Variants in ALOXE3 observed in about 807,000 individuals in gnomAD.
ALOXE3 encodes hydroperoxide isomerase ALOXE3.
Under a neutral mutation model 87.5 loss-of-function variants are expected in ALOXE3, and 78 were observed. That is an observed-to-expected ratio of 0.89 (90% CI 0.74 to 1.08). The LOEUF is 1.08. Ranked by LOEUF, ALOXE3 falls within the 50% of genes least tolerant of loss-of-function variation. ALOXE3 has a pLI of 0.00. For missense variants in ALOXE3, 946 were observed against 912.4 expected, an observed-to-expected ratio of 1.04 and a Z score of -0.47; for synonymous variants, 363 against 370.8, an observed-to-expected ratio of 0.98 and a Z score of 0.24.
chr17:8,117,344 C>T (rs914127521), intron 2 of ALOXE3, among the ~76,000 whole-genome samples: 4 of 152,200 alleles, frequency 2.6e-5, no homozygotes, highest in African/African-American at 7.2e-5. Context: ...CGCTTAAACC[C>T]GGGAGGTGGA....
chr17:8,103,275 C>A, intron 15 of ALOXE3, 48 bp downstream of exon 15: 1 of 1,604,926 alleles, frequency 6.2e-7, no homozygotes, highest in African/African-American at 1.3e-5. Flanking sequence ...ACCACCCCTA[C>A]TGGTGGCCCT....
At chr17:8,102,142 C>T (rs548999041) in intron 15 of ALOXE3, among the ~76,000 whole-genome samples, 2 of 152,312 alleles carry the variant, frequency 1.3e-5, no homozygotes, top group South Asian at 2.1e-4. Context: ...CATCCATTCA[C>T]GCAGCCACAG....
chr17:8,112,975 C>A (rs11871011), intron 6 of ALOXE3, among the ~76,000 whole-genome samples: 75,038 of 151,744 alleles, frequency 0.49, 19,359 homozygotes, highest in African/African-American at 0.64. Context: ...CCCCACCATG[C>A]CCTGCAACAT....
Position 8,103,246 on chromosome 17 carries a change from GC to G in ALOXE3, c.1956+76del, listed in dbSNP as rs1979034359. On this transcript the variant is annotated intron_variant, in intron 15 of 15. Transcript: ENST00000448843. Reference sequence around the variant, plus strand: ...ATAAATCCCGTCGATCAGTCCTCAAGCCCCCAGACGAAGCCACCACCACCCC... The same window carrying G: ...ATAAATCCCGTCGATCAGTCCTCAAGCCCCAGACGAAGCCACCACCACCCC... 5.7e-5 allele frequency: 88 copies of G among 1,542,426 alleles called. No homozygotes were observed. In the South Asian group the frequency reaches 9.6e-4, roughly 17 times the overall value.
chr17:8,115,671 C>T lies in ALOXE3; in HGVS notation c.370G>A (p.Asp124Asn), dbSNP rs1053198033. 4 of 1,613,688 alleles carry T rather than the reference C, an allele frequency of 2.5e-6. No homozygotes were observed. Among genetic ancestry groups the T allele is most frequent in the African/African-American group, 1.3e-5 (1 of 74,894 alleles). The change falls in exon 4 of 16, where the codon GAC (aspartate) becomes AAC (asparagine). Residue 124 changes from aspartate to asparagine, a missense_variant. Coordinates refer to ENST00000448843, the MANE Select transcript of ALOXE3 (RefSeq NM_021628.3). ...RPGTARTICQ[D>N]SLPLLLDHRT... Reference sequence around the variant, plus strand: ...TGATCCAGGAGGAGGGGAAGAGAGTCCTGACAAATAGTTCTTGCTGTGGGG... The same window carrying T: ...TGATCCAGGAGGAGGGGAAGAGAGTTCTGACAAATAGTTCTTGCTGTGGGG...
At position 8,112,199 on chromosome 17, in the gene ALOXE3, G is replaced by A. The variant is rs1032272957; in HGVS notation, c.681-3C>T. The A allele has an allele frequency of 2.4e-5, 39 of 1,610,350 alleles. No individual in the cohort carries two copies. Among genetic ancestry groups the A allele is most frequent in the Non-Finnish European group, 3.3e-5 (39 of 1,176,678 alleles). On this transcript the variant is annotated splice_region_variant and splice_polypyrimidine_tract_variant and intron_variant, in intron 6 of 15. Coordinates refer to ENST00000448843, the MANE Select transcript of ALOXE3 (RefSeq NM_021628.3). ...CTCGAAGCTTCATTCCCAAGGACCT[G>A]ATGGGAGAGGAAAAGATGAGGGTGA...
rs531611922 is a variant in ALOXE3 at position 8,107,815 on chromosome 17, A to C, written c.1684+653T>G. On this transcript the variant is annotated intron_variant, in intron 13 of 15. Transcript: ENST00000448843. ...CTCCGTCTCAAAAAAAAAAACAAGA[A>C]AGAAAGAAAGAAAGAAAGAAAGAAA... 6.0e-3 allele frequency among the ~76,000 whole-genome samples: 15 copies of C among 2,486 alleles called. No homozygotes were observed. In the South Asian group the frequency reaches 0.14, roughly 23 times the overall value. 1.6% of individuals were successfully genotyped at this position (2,486 alleles called of 152,430 possible).
intron 2 of ALOXE3, among the ~76,000 whole-genome samples, chr17:8,117,602 G>C (rs1190212191): frequency 6.6e-6 from 1 of 152,138 alleles, no homozygotes; most frequent in Non-Finnish European, 1.5e-5. Flanking sequence ...GTCAATTATG[G>C]GAGGAGTTTA....
chr17:8,118,754 AGGGTCT>A (rs1461642211), upstream of ALOXE3: 1 of 1,537,318 alleles, frequency 6.5e-7, no homozygotes, highest in Non-Finnish European at 8.7e-7. Context: ...GCCGGCAAAC[AGGGTCT>A]GAATGCCCCG....
chr17:8,106,839 C>A (rs188929565), intron 13 of ALOXE3, among the ~76,000 whole-genome samples: 53 of 152,200 alleles, frequency 3.5e-4, no homozygotes, highest in African/African-American at 1.2e-3. Context: ...GAGCTGTTGT[C>A]AATCTGCAGA....
chr17:8,115,608 G>C lies in ALOXE3; in HGVS notation c.433C>G (p.Arg145Gly), dbSNP rs1327550924. The part of the protein sequence containing the change: ...RELRARQECY[R>G]WKIYAPGFPC... Reference sequence around the variant, plus strand: ...GAAGTCAAATTAGGCCACCCTCACCGGTAGCATTCTTGTCGGGCCCGGAGC... The same window carrying C: ...GAAGTCAAATTAGGCCACCCTCACCCGTAGCATTCTTGTCGGGCCCGGAGC... The change falls in exon 4 of 16, where the codon CGC becomes GGC. Residue 145 changes from arginine to glycine, a missense_variant and splice_region_variant. Arg to Gly is a moderately radical substitution (Grantham distance 125). Coordinates refer to ENST00000448843, the MANE Select transcript of ALOXE3 (RefSeq NM_021628.3). 2 of 1,612,730 alleles carry C rather than the reference G, an allele frequency of 1.2e-6. No individual in the cohort carries two copies. Among genetic ancestry groups the C allele is most frequent in the Non-Finnish European group, 1.7e-6 (2 of 1,178,674 alleles).
intron 2 of ALOXE3, among the ~76,000 whole-genome samples, chr17:8,117,456 C>T (rs1980699504): frequency 6.6e-6 from 1 of 152,218 alleles, no homozygotes; most frequent in Non-Finnish European, 1.5e-5. Context: ...GCACAGTGGG[C>T]ACTGCATTTC....
intron 15 of ALOXE3, among the ~76,000 whole-genome samples, chr17:8,101,714 G>A (rs1051762716): frequency 2.0e-5 from 3 of 151,998 alleles, no homozygotes; most frequent in Non-Finnish European, 4.4e-5. Context: ...ATGGCTCACT[G>A]CATTTTTTTA....
At chr17:8,104,060 C>T in intron 14 of ALOXE3, 55 bp downstream of exon 14, 1 of 1,509,054 alleles carries the variant, frequency 6.6e-7, no homozygotes, top group Non-Finnish European at 9.1e-7. Flanking sequence ...CAAATTCAGG[C>T]CTCAAGTCCA....
rs1979053670 is a variant in ALOXE3, at chr17:8,103,465, G to A, written c.1814C>T (p.Ala605Val). The A allele has an allele frequency of 1.2e-6, 2 of 1,614,182 alleles. No individual in the cohort carries two copies. The highest frequency in any genetic ancestry group is 2.2e-5 in the South Asian group (2 of 91,080). Residue 605 changes from alanine to valine, a missense_variant, in exon 15 of 16, where the codon GCT (alanine) becomes GTT (valine). Coordinates refer to ENST00000448843, the MANE Select transcript of ALOXE3 (RefSeq NM_021628.3). ...TGGGGGCTGCCTCATGGATGATGGA[G>A]CATTGGGCATCCAGGCCCCAAAGTC... ...QHDFGAWMPN[A>V]PSSMRQPPPQ... is the part of the protein sequence containing the mutation.
intron 15 of ALOXE3, 57 bp from the exon 16 acceptor site, chr17:8,096,863 G>A (rs1053905645): frequency 2.7e-5 from 42 of 1,582,960 alleles, no homozygotes; most frequent in Middle Eastern, 1.7e-4. Context: ...GGGGAATAAC[G>A]GAGGACCACA....
Position 8,110,292 on chromosome 17 carries a change from T to A in ALOXE3, c.1105A>T (p.Ser369Cys). 6.2e-7 allele frequency: 1 copy of A among 1,613,838 alleles called. No individual in the cohort carries two copies. Among genetic ancestry groups the A allele is most frequent in the Non-Finnish European group, 8.5e-7 (1 of 1,179,776 alleles). Residue 369 changes from serine (S) to cysteine (C), a missense_variant, in exon 10 of 16, where the codon AGC becomes TGC. Physicochemically the swap from Ser to Cys is moderately radical, Grantham distance 112. Coordinates refer to ENST00000448843, the MANE Select transcript of ALOXE3 (RefSeq NM_021628.3). Reference sequence around the variant, plus strand: ...GGGCTGTCAGGCCCGGGGGTCTGGCTGAGCTGCGTCCGAAAGGAACGAGGG... The same window carrying A: ...GGGCTGTCAGGCCCGGGGGTCTGGCAGAGCTGCGTCCGAAAGGAACGAGGG... Reference protein sequence around the residue: ...GALVPLAIQLSQTPGPDSPIF... With the variant: ...GALVPLAIQLCQTPGPDSPIF...
At chr17:8,110,354 C>T (rs766082820) in intron 9 of ALOXE3, 31 bp downstream of exon 9, 1 of 1,606,528 alleles carries the variant, frequency 6.2e-7, no homozygotes, top group South Asian at 1.1e-5. Context: ...GCACCTGAGC[C>T]CCCATCCCGG....
In ALOXE3 at chr17:8,114,281, G is replaced by A. The variant is rs1272982019; in HGVS notation, c.680+203C>T. Among the ~76,000 whole-genome samples the A allele has an allele frequency of 4.9e-4, 63 of 129,566 alleles. 1 individual carries two copies. Among genetic ancestry groups the A allele is most frequent in the African/African-American group, 1.4e-3 (53 of 38,710 alleles). The allele number at this position is 129,566 out of a possible 152,430, so 85.0% of individuals were successfully genotyped here. The stretch of plus-strand genomic sequence containing the variant: ...GGGAGAGGGGAACTGGGGAGCACAA[G>A]GGGGAGACAAGGGCAGGAAGGGGGC... On this transcript the variant is annotated intron_variant, in intron 6 of 15. Coordinates refer to ENST00000448843, the MANE Select transcript of ALOXE3 (RefSeq NM_021628.3).
Sources: allele counts gnomAD v4.1 joint callset (sites outside exome capture counted in the v4.1 genomes callset), GRCh38; gene constraint gnomAD v4.1.1; transcripts MANE v1.5; gene names NCBI Gene and HGNC (gene_info 2026-07-23, HGNC 2026-07-21).